NPSR1: variants seen among roughly 807,000 people sequenced by gnomAD.
NPSR1 encodes the protein neuropeptide S receptor 1.
A neutral mutation model predicts 46.9 loss-of-function variants in NPSR1; 48 were observed. That is an observed-to-expected ratio of 1.02 (90% CI 0.81 to 1.30). NPSR1 has a LOEUF of 1.30. Ranked by LOEUF, NPSR1 falls within the 50% of genes most tolerant of loss-of-function variation. The pLI is 0.00. For synonymous variants in NPSR1, 176 were observed against 168.1 expected (o/e 1.05, Z -0.36); for missense variants, 450 against 449.5 (o/e 1.00, Z -0.01).
chr7:34,665,498 C>G (rs2128670962), intron 1 of NPSR1, among the ~76,000 whole-genome samples: 1 of 152,318 alleles, frequency 6.6e-6, no homozygotes, highest in African/African-American at 2.4e-5. Context: ...GGCCTACTGG[C>G]CTTTCACATT....
At chr7:34,875,296 A>C (rs1245945277) in intron 8 of NPSR1, among the ~76,000 whole-genome samples, 1 of 152,186 alleles carries the variant, frequency 6.6e-6, no homozygotes, top group Non-Finnish European at 1.5e-5. Context: ...CTTTCTTGGA[A>C]GCTTAGTAAA....
chr7:34,660,353 T>C (rs1232514703), intron 1 of NPSR1, among the ~76,000 whole-genome samples: 2 of 152,240 alleles, frequency 1.3e-5, no homozygotes, highest in East Asian at 3.8e-4. Flanking sequence ...TTGTGAGAAC[T>C]TAGCTTATAT....
Position 34,848,646 on chromosome 7 carries a change from C to T in NPSR1, c.1008C>T (p.Ser336=). ...NPLIYCVFSS[S]ISFPCREQRS... Reference sequence around the variant, plus strand: ...TCATCTACTGTGTCTTCAGCAGCTCCATCTCTTTCCCCTGCAGGTAAGGGG... The same window carrying T: ...TCATCTACTGTGTCTTCAGCAGCTCTATCTCTTTCCCCTGCAGGTAAGGGG... The change falls in exon 8 of 9, where the codon TCC becomes TCT. Residue 336 remains serine, a synonymous_variant. Coordinates refer to ENST00000360581, the MANE Select transcript of NPSR1 (RefSeq NM_207172.2). 6.2e-7 allele frequency: 1 copy of T among 1,614,040 alleles called. No individual in the cohort carries two copies.
chr7:34,726,765 A>G (rs191770360), intron 2 of NPSR1, among the ~76,000 whole-genome samples: 2 of 151,776 alleles, frequency 1.3e-5, no homozygotes, highest in East Asian at 1.9e-4. Flanking sequence ...AAGACTACAT[A>G]TTATGATTCC....
chr7:34,830,200 T>TAGG lies in NPSR1; in HGVS notation c.680+2598_680+2599insAGG, dbSNP rs754044882. 6.7e-3 allele frequency among the ~76,000 whole-genome samples: 1,014 copies of TAGG among 152,356 alleles called. 7 individuals carry two copies. Among genetic ancestry groups the TAGG allele is most frequent in the African/African-American group, 0.023 (963 of 41,584 alleles). On this transcript the variant is annotated intron_variant, in intron 5 of 8. Coordinates refer to ENST00000360581, the MANE Select transcript of NPSR1 (RefSeq NM_207172.2). ...TCTTATTCTGTCTTTATTACCTATA[T>TAGG]TCTGGCCCCCTGGGCTCAATTCTCT...
At chr7:34,824,952 CT>C (rs1789750954) in intron 4 of NPSR1, among the ~76,000 whole-genome samples, 1 of 152,080 alleles carries the variant, frequency 6.6e-6, no homozygotes, top group Non-Finnish European at 1.5e-5. Flanking sequence ...ACTCCCACTG[CT>C]TCTCTCCACG....
At chr7:34,700,309 A>T (rs1030591912) in intron 2 of NPSR1, among the ~76,000 whole-genome samples, 4 of 152,240 alleles carry the variant, frequency 2.6e-5, no homozygotes, top group Non-Finnish European at 4.4e-5. Context: ...CAGTGCAACG[A>T]TTGTACTGGG....
intron 3 of NPSR1, among the ~76,000 whole-genome samples, chr7:34,786,183 A>G (rs909684271): frequency 1.3e-5 from 2 of 152,248 alleles, no homozygotes; most frequent in Middle Eastern, 6.8e-3. Context: ...GTTTTATCAA[A>G]TATGTTTATG....
intron 3 of NPSR1, among the ~76,000 whole-genome samples, chr7:34,810,715 C>A (rs325463): frequency 0.16 from 24,810 of 152,160 alleles, 2,559 homozygotes; most frequent in African/African-American, 0.3. Context: ...AAAGTCAATT[C>A]CAAACAAATG....
Position 34,684,629 on chromosome 7 carries a change from G to C in NPSR1, c.225G>C (p.Trp75Cys), listed in dbSNP as rs1792831685. ...ACTCCGTTGTGCTTTTTTCCACATG[G>C]AGGAGAAAGAAGAAGTCAAGAATGA... ...VGNSVVLFST[W>C]RRKKKSRMTF... Residue 75 changes from tryptophan to cysteine, a missense_variant, in exon 2 of 9, where the codon TGG becomes TGC. Coordinates refer to ENST00000360581, the MANE Select transcript of NPSR1 (RefSeq NM_207172.2). The C allele has an allele frequency of 6.2e-7, 1 of 1,613,592 alleles. No homozygotes were observed. The highest frequency in any genetic ancestry group is 1.1e-5 in the South Asian group (1 of 91,010).
At chr7:34,795,032 C>T (rs190429203) in intron 3 of NPSR1, among the ~76,000 whole-genome samples, 50 of 152,062 alleles carry the variant, frequency 3.3e-4, no homozygotes, top group Non-Finnish European at 6.2e-4. Flanking sequence ...GAGTGAGACC[C>T]TATCTCTTAA....
intron 2 of NPSR1, among the ~76,000 whole-genome samples, chr7:34,728,401 C>T (rs947388312): frequency 6.6e-6 from 1 of 152,150 alleles, no homozygotes; most frequent in Admixed American, 6.5e-5. Context: ...GTGGGGTGCA[C>T]GCTGGCAGAG....
chr7:34,865,230 C>T (rs369966219), intron 8 of NPSR1, among the ~76,000 whole-genome samples: 2 of 151,958 alleles, frequency 1.3e-5, no homozygotes, highest in Admixed American at 6.5e-5. Context: ...TTTTGCTCAG[C>T]TACGGAATGT....
chr7:34,866,799 G>A (rs1791325407), intron 8 of NPSR1, among the ~76,000 whole-genome samples: 3 of 151,786 alleles, frequency 2.0e-5, no homozygotes, highest in African/African-American at 7.3e-5. Flanking sequence ...AGGTTACTAT[G>A]AGATTTGGAG....
At chr7:34,700,737 A>G (rs981617334) in intron 2 of NPSR1, among the ~76,000 whole-genome samples, 1 of 152,198 alleles carries the variant, frequency 6.6e-6, no homozygotes, top group Non-Finnish European at 1.5e-5. Flanking sequence ...TCTACTTCTG[A>G]GCCCTATGAC....
At chr7:34,866,343 A>G (rs1168511577) in intron 8 of NPSR1, among the ~76,000 whole-genome samples, 1 of 151,878 alleles carries the variant, frequency 6.6e-6, no homozygotes, top group Non-Finnish European at 1.5e-5. Flanking sequence ...GAGTAAACAG[A>G]GGAAGTCAGC....
intron 3 of NPSR1, among the ~76,000 whole-genome samples, chr7:34,783,673 A>C (rs186291164): frequency 6.6e-6 from 1 of 152,140 alleles, no homozygotes. Flanking sequence ...AGAAGTTTCT[A>C]ATCAGATTTA....
chr7:34,773,890 T>C (rs1213765410), intron 2 of NPSR1, among the ~76,000 whole-genome samples: 1 of 152,164 alleles, frequency 6.6e-6, no homozygotes, highest in Non-Finnish European at 1.5e-5. Context: ...CCAATTAGTG[T>C]TAAACGCATG....
chr7:34,763,890 A>G lies in NPSR1; in HGVS notation c.281-14572A>G, dbSNP rs111716698. 1.9e-3 allele frequency among the ~76,000 whole-genome samples: 297 copies of G among 152,334 alleles called. 5 individuals carry two copies. The highest frequency in any genetic ancestry group is 6.5e-3 in the African/African-American group (272 of 41,576). ...TTAGACTTAACAAACCTGTCAATTT[A>G]TATGCTTTCCCTTTAGAAAGACTTG... is the stretch of plus-strand genomic sequence containing the variant. On this transcript the variant is annotated intron_variant, in intron 2 of 8. Transcript: ENST00000360581.
Sources: gnomAD v4.1 joint callset for allele counts (sites outside exome capture counted in the v4.1 genomes callset) on GRCh38, gnomAD v4.1.1 for gene constraint, MANE v1.5 for transcripts, NCBI Gene and HGNC (gene_info 2026-07-23, HGNC 2026-07-21) for gene names.